The following CLNK variants were observed in gnomAD, a reference collection of about 807,000 sequenced individuals.
The protein encoded by CLNK is cytokine-dependent hematopoietic cell linker.
Under a neutral mutation model 68.6 loss-of-function variants are expected in CLNK, and 74 were observed. The ratio of observed to expected loss-of-function variants is 1.08; its 90% CI spans 0.89 to 1.31. CLNK has a LOEUF of 1.31. Among genes scored for constraint, CLNK ranks in the 50% most tolerant of loss-of-function variants. The pLI is 0.00. For synonymous variants in CLNK, 198 were observed against 172.2 expected (o/e 1.15, Z -1.17); for missense variants, 553 against 515.3 (o/e 1.07, Z -0.71).
At chr4:10,673,678 G>A (rs1029287861) in intron 1 of CLNK, among the ~76,000 whole-genome samples, 7 of 151,594 alleles carry the variant, frequency 4.6e-5, no homozygotes, top group Non-Finnish European at 8.8e-5. Context: ...GGGGGTGGGG[G>A]GTCTGGGGGA....
At chr4:10,616,126 G>A (rs185658209) in intron 2 of CLNK, among the ~76,000 whole-genome samples, 108 of 152,194 alleles carry the variant, frequency 7.1e-4, no homozygotes, top group Admixed American at 3.1e-3. Context: ...ACTACATTTC[G>A]CGATTACCTA....
intron 1 of CLNK, among the ~76,000 whole-genome samples, chr4:10,673,476 T>C (rs576954499): frequency 2.0e-5 from 3 of 152,278 alleles, no homozygotes; most frequent in Admixed American, 6.5e-5. Context: ...CACCATGGAA[T>C]ACTATGCAGC....
chr4:10,535,529 G>C (rs1577112944), intron 11 of CLNK, among the ~76,000 whole-genome samples: 1 of 152,184 alleles, frequency 6.6e-6, no homozygotes, highest in South Asian at 2.1e-4. Flanking sequence ...TTACGACTCA[G>C]AAAATGTTGT....
Position 10,535,213 on chromosome 4 carries a change from G to GAGAAAGAAAGAAAGAAAGAAAGAAAGAA in CLNK, c.603-2958_603-2931dup, listed in dbSNP as rs57053319. The stretch of plus-strand genomic sequence containing the variant: ...TACTTAAAAAAAAGAAAGAAAGAAA[G>GAGAAAGAAAGAAAGAAAGAAAGAAAGAA]AGAAAGAAAGAAAGAAAGAAAGAAA... On this transcript the variant is annotated intron_variant, in intron 11 of 18. Coordinates refer to ENST00000226951, the MANE Select transcript of CLNK (RefSeq NM_052964.4). Among the ~76,000 whole-genome samples, 767 of 131,356 alleles carry GAGAAAGAAAGAAAGAAAGAAAGAAAGAA rather than the reference G, an allele frequency of 5.8e-3. 10 individuals are homozygous for GAGAAAGAAAGAAAGAAAGAAAGAAAGAA. The highest frequency in any genetic ancestry group is 0.014 in the East Asian group (59 of 4,246). The allele number at this position is 131,356 out of a possible 152,430, so 86.2% of individuals were successfully genotyped here.
chr4:10,538,758 G>C (rs1718901138), intron 11 of CLNK, among the ~76,000 whole-genome samples: 1 of 152,176 alleles, frequency 6.6e-6, no homozygotes, highest in Admixed American at 6.5e-5. Flanking sequence ...AAATGAGTCA[G>C]TTCCTCTTCC....
At chr4:10,676,354 G>A (rs1232109043) in intron 1 of CLNK, among the ~76,000 whole-genome samples, 1 of 150,740 alleles carries the variant, frequency 6.6e-6, no homozygotes, top group Non-Finnish European at 1.5e-5. Flanking sequence ...TCCATTGAGT[G>A]GAGGCCTTTG....
At chr4:10,495,491 C>A (rs1716765046) in intron 18 of CLNK, among the ~76,000 whole-genome samples, 1 of 152,160 alleles carries the variant, frequency 6.6e-6, no homozygotes, top group South Asian at 2.1e-4. Context: ...AACACTGAGT[C>A]TAACATACTG....
chr4:10,663,161 C>G (rs28611047), intron 2 of CLNK, among the ~76,000 whole-genome samples: 3,174 of 152,272 alleles, frequency 0.021, 128 homozygotes, highest in African/African-American at 0.072. Flanking sequence ...CCCAAGATGC[C>G]CTTATCTAGC....
chr4:10,586,065 G>T (rs1720954148), intron 3 of CLNK, among the ~76,000 whole-genome samples: 1 of 152,110 alleles, frequency 6.6e-6, no homozygotes, highest in African/African-American at 2.4e-5. Flanking sequence ...GGTAGGGTTT[G>T]TGCTCCTATG....
Position 10,516,793 on chromosome 4 carries a change from C to T in CLNK, c.773-3196G>A, listed in dbSNP as rs190378036. 2.2e-4 allele frequency among the ~76,000 whole-genome samples: 33 copies of T among 152,264 alleles called. 1 individual carries two copies. The East Asian group carries it at 4.6e-3, about 21-fold the overall frequency. ...CTTGAACTTCTGATCTCAGGCGATCCGCCCACCTCGGCCTCCCAAAGTGCT... is the reference window on the plus strand; with the variant it reads ...CTTGAACTTCTGATCTCAGGCGATCTGCCCACCTCGGCCTCCCAAAGTGCT... On this transcript the variant is annotated intron_variant, in intron 15 of 18. Transcript: ENST00000226951.
At chr4:10,718,177 C>T in the CLNK span, among the ~76,000 whole-genome samples, 6 of 152,060 alleles carry the variant, frequency 3.9e-5, no homozygotes, top group Admixed American at 1.3e-4. Flanking sequence ...ACAATTAAAA[C>T]GTGTTGGATC....
At chr4:10,509,902 G>T (rs1336867192) in intron 16 of CLNK, among the ~76,000 whole-genome samples, 4 of 152,062 alleles carry the variant, frequency 2.6e-5, no homozygotes, top group African/African-American at 4.8e-5. Flanking sequence ...GGCAGAACCG[G>T]CTCTGCCTCA....
chr4:10,732,827 A>T, the CLNK span, among the ~76,000 whole-genome samples: 64 of 152,238 alleles, frequency 4.2e-4, no homozygotes, highest in Middle Eastern at 3.4e-3. Context: ...CCTATTTTTA[A>T]AACATCACTT....
chr4:10,513,623 G>A (rs949180772), intron 15 of CLNK, 26 bp from the exon 16 acceptor site: 2 of 1,570,846 alleles, frequency 1.3e-6, no homozygotes, highest in South Asian at 1.2e-5. Context: ...TCACATTTCA[G>A]TGTGATTTTG....
the CLNK span, among the ~76,000 whole-genome samples, chr4:10,729,441 A>T: frequency 6.6e-6 from 1 of 152,218 alleles, no homozygotes; most frequent in South Asian, 2.1e-4. Flanking sequence ...ATAAATTGTT[A>T]TTTGAAAAAC....
chr4:10,726,281 C>A, the CLNK span, among the ~76,000 whole-genome samples: 7,666 of 152,208 alleles, frequency 0.05, 300 homozygotes, highest in Admixed American at 0.12. Context: ...CCACCACACC[C>A]AGCTAATTTT....
intron 17 of CLNK, among the ~76,000 whole-genome samples, chr4:10,504,836 C>T (rs1717226952): frequency 6.6e-6 from 1 of 152,034 alleles, no homozygotes; most frequent in African/African-American, 2.4e-5. Flanking sequence ...CACATTTTGA[C>T]AGAACTGAGA....
the CLNK span, among the ~76,000 whole-genome samples, chr4:10,693,741 C>T: frequency 1.3e-5 from 2 of 152,170 alleles, no homozygotes; most frequent in African/African-American, 4.8e-5. Flanking sequence ...TATAGAAAAA[C>T]AACATTTATG....
At chr4:10,571,174 C>A (rs1162431007) in intron 5 of CLNK, among the ~76,000 whole-genome samples, 5 of 152,108 alleles carry the variant, frequency 3.3e-5, no homozygotes, top group African/African-American at 1.2e-4. Context: ...CTTTATTCAG[C>A]CTTCACAATG....
Sources: allele counts gnomAD v4.1 joint callset (sites outside exome capture counted in the v4.1 genomes callset), GRCh38; gene constraint gnomAD v4.1.1; transcripts MANE v1.5; gene names NCBI Gene and HGNC (gene_info 2026-07-23, HGNC 2026-07-21).